TRPM1: variants seen among roughly 807,000 people sequenced by gnomAD.
The protein encoded by TRPM1 is TRPM1-203 APA Isoform, Intron 10.
In TRPM1, 113 loss-of-function variants were observed where a neutral mutation model predicts 149.4. The observed-to-expected ratio is 0.76, with a 90% CI of 0.65 to 0.88. TRPM1 has a LOEUF of 0.88. Among genes scored for constraint, TRPM1 ranks in the 40% least tolerant of loss-of-function variants. The pLI is 0.00. For synonymous variants in TRPM1, 741 were observed against 759.5 expected (o/e 0.98, Z 0.40); for missense variants, 1,976 against 2,038.7 (o/e 0.97, Z 0.59).
intron 27 of TRPM1, among the ~76,000 whole-genome samples, chr15:31,014,272 C>T (rs2140881374): frequency 6.6e-6 from 1 of 152,330 alleles, no homozygotes; most frequent in South Asian, 2.1e-4. Context: ...CCTTCCTCCA[C>T]CCCTTCTAAC....
chr15:31,091,979 T>C (rs539286172), intron 1 of TRPM1, among the ~76,000 whole-genome samples: 4 of 152,290 alleles, frequency 2.6e-5, no homozygotes, highest in African/African-American at 9.6e-5. Flanking sequence ...TGGGCTCTGC[T>C]GGCTCCAGAT....
intron 20 of TRPM1, chr15:31,035,938 C>G (rs2033348121): frequency 5.6e-6 from 3 of 532,170 alleles, no homozygotes; most frequent in South Asian, 4.1e-5. Context: ...TGCTGTCATC[C>G]TCATGGGGAA....
At chr15:31,035,171 T>C (rs1167094740) in intron 21 of TRPM1, among the ~76,000 whole-genome samples, 2 of 152,146 alleles carry the variant, frequency 1.3e-5, no homozygotes, top group Non-Finnish European at 2.9e-5. Flanking sequence ...GACCGGCTAA[T>C]TTTTGTATTT....
intron 1 of TRPM1, among the ~76,000 whole-genome samples, chr15:31,086,931 C>A (rs188440960): frequency 6.6e-6 from 1 of 152,268 alleles, no homozygotes; most frequent in East Asian, 1.9e-4. Context: ...TTACACATTT[C>A]TCCAAGGAAG....
At chr15:31,036,918 C>G (rs944412602) in intron 20 of TRPM1, among the ~76,000 whole-genome samples, 3 of 152,252 alleles carry the variant, frequency 2.0e-5, no homozygotes, top group Non-Finnish European at 2.9e-5. Context: ...GACCCAGCTC[C>G]TCATGTCCCA....
chr15:31,088,923 G>A (rs2035116009), intron 1 of TRPM1, among the ~76,000 whole-genome samples: 2 of 152,176 alleles, frequency 1.3e-5, no homozygotes, highest in South Asian at 4.1e-4. Context: ...TCTGGTGGCA[G>A]AATTGCGTGG....
intron 1 of TRPM1, among the ~76,000 whole-genome samples, chr15:31,088,914 C>A (rs375155306): frequency 6.6e-6 from 1 of 152,084 alleles, no homozygotes. Context: ...TACCAGAAGT[C>A]TGGTGGCAGA....
intron 1 of TRPM1, among the ~76,000 whole-genome samples, chr15:31,119,982 T>C (rs761669660): frequency 1.7e-4 from 26 of 152,096 alleles, no homozygotes; most frequent in Non-Finnish European, 2.9e-4. Context: ...ACAAATATGA[T>C]AGATATTAAT....
intron 1 of TRPM1, among the ~76,000 whole-genome samples, chr15:31,100,141 G>A (rs1409258192): frequency 4.0e-5 from 6 of 149,614 alleles, no homozygotes; most frequent in Non-Finnish European, 5.9e-5. Context: ...GTGCAGTGGC[G>A]CAGTCTCGGC....
intron 1 of TRPM1, among the ~76,000 whole-genome samples, chr15:31,115,156 G>T (rs984490643): frequency 6.6e-6 from 1 of 152,290 alleles, no homozygotes; most frequent in Non-Finnish European, 1.5e-5. Flanking sequence ...TACTCAGGAG[G>T]CTGAGGCAGA....
At chr15:31,130,993 G>A (rs980408314) in intron 1 of TRPM1, among the ~76,000 whole-genome samples, 3 of 152,134 alleles carry the variant, frequency 2.0e-5, no homozygotes, top group East Asian at 1.9e-4. Context: ...GTTGGGCAAC[G>A]GTTACAAACA....
intron 16 of TRPM1, 41 bp from the exon 17 acceptor site, chr15:31,042,284 G>A (rs374310170): frequency 3.4e-5 from 53 of 1,547,088 alleles, no homozygotes; most frequent in Non-Finnish European, 4.5e-5. Flanking sequence ...TGCCATAAAA[G>A]TATGCAACAA....
At chr15:31,042,436 A>G in intron 16 of TRPM1, 193 bp from the exon 17 acceptor site, 1 of 660,284 alleles carries the variant, frequency 1.5e-6, no homozygotes, top group Non-Finnish European at 2.6e-6. Flanking sequence ...TAAACTATCT[A>G]AAACCAAATG....
intron 1 of TRPM1, among the ~76,000 whole-genome samples, chr15:31,098,770 T>C (rs1295995058): frequency 6.6e-6 from 1 of 151,310 alleles, no homozygotes; most frequent in Non-Finnish European, 1.5e-5. Context: ...AGACACAGGA[T>C]GGATAAGTTG....
intron 1 of TRPM1, among the ~76,000 whole-genome samples, chr15:31,153,923 C>T (rs1264160049): frequency 6.6e-6 from 1 of 152,158 alleles, no homozygotes; most frequent in Non-Finnish European, 1.5e-5. Flanking sequence ...GGAGAGAGGA[C>T]CAGAGTCCTG....
intron 1 of TRPM1, among the ~76,000 whole-genome samples, chr15:31,100,706 A>ATG (rs1259909493): frequency 2.0e-5 from 3 of 152,170 alleles, no homozygotes; most frequent in Admixed American, 2.0e-4. Flanking sequence ...AGACAGGTGC[A>ATG]TGTGTGTGTA....
chr15:31,057,825 C>T (rs1017847802), intron 11 of TRPM1, among the ~76,000 whole-genome samples: 10 of 152,172 alleles, frequency 6.6e-5, no homozygotes, highest in Admixed American at 5.9e-4. Flanking sequence ...GGCAGTTTCC[C>T]CCACGCTGTT....
At chr15:31,092,919 G>T (rs2035280792) in intron 1 of TRPM1, among the ~76,000 whole-genome samples, 1 of 152,124 alleles carries the variant, frequency 6.6e-6, no homozygotes, top group African/African-American at 2.4e-5. Context: ...TCAAAAGCAG[G>T]TGAAGCTCAA....
chr15:31,113,868 G>C (rs141048849), intron 1 of TRPM1, among the ~76,000 whole-genome samples: 15 of 152,288 alleles, frequency 9.8e-5, no homozygotes, highest in East Asian at 5.8e-4. Flanking sequence ...CACGCTGGAA[G>C]GGTACCGAGC....
Sources: gnomAD v4.1 joint callset for allele counts (sites outside exome capture counted in the v4.1 genomes callset) on GRCh38, gnomAD v4.1.1 for gene constraint, MANE v1.5 for transcripts, NCBI Gene and HGNC (gene_info 2026-07-23, HGNC 2026-07-21) for gene names.